Variants in COX16 observed in about 807,000 individuals in gnomAD.
COX16 encodes the protein cytochrome c oxidase assembly factor COX16.
A neutral mutation model predicts 15.4 loss-of-function variants in COX16; 12 were observed. The observed-to-expected ratio is 0.78, with a 90% CI of 0.50 to 1.26. The LOEUF (loss-of-function observed/expected upper bound fraction) is 1.26, where lower values mean the gene tolerates loss of function less well. Ranked by LOEUF, COX16 falls within the 50% of genes most tolerant of loss-of-function variation. COX16 has a pLI of 0.00. For missense variants in COX16, 124 were observed against 127.6 expected (o/e 0.97, Z 0.14); for synonymous variants, 46 against 41.1 (o/e 1.12, Z -0.46).
chr14:70,346,114 C>T (rs771679737), intron 1 of COX16, among the ~76,000 whole-genome samples: 1 of 152,130 alleles, frequency 6.6e-6, no homozygotes, highest in African/African-American at 2.4e-5. Flanking sequence ...AACCCTCCTT[C>T]CCCCTTCAAA....
chr14:70,354,829 A>AGTGTGTGTGCGTGTGT lies in COX16; in HGVS notation c.69+4689_69+4690insACACACGCACACACAC, dbSNP rs1555345883. ...GAGTTTTGTGCAGGACTATGCATAG[A>AGTGTGTGTGCGTGTGT]GTGTGTGTGTGCGTGTGTGTGTGTG... On this transcript the variant is annotated intron_variant, in intron 1 of 3. Coordinates refer to ENST00000389912, the MANE Select transcript of COX16 (RefSeq NM_016468.7). Among the ~76,000 whole-genome samples, 7 of 85,716 alleles carry AGTGTGTGTGCGTGTGT rather than the reference A, an allele frequency of 8.2e-5. 1 individual carries two copies. Among genetic ancestry groups the AGTGTGTGTGCGTGTGT allele is most frequent in the African/African-American group, 3.6e-4 (7 of 19,674 alleles). 56.2% of individuals were successfully genotyped at this position (85,716 alleles called of 152,430 possible). A position where few individuals can be genotyped will look rare whatever the true frequency, so the allele number is the denominator to read the frequency against.
intron 1 of COX16, among the ~76,000 whole-genome samples, chr14:70,355,715 G>C (rs904586265): frequency 2.0e-5 from 3 of 152,182 alleles, no homozygotes; most frequent in Admixed American, 6.5e-5. Context: ...CCATTGTCAT[G>C]ACAAGAACCA....
At chr14:70,334,560 G>A (rs1886389957) in intron 2 of COX16, among the ~76,000 whole-genome samples, 1 of 152,156 alleles carries the variant, frequency 6.6e-6, no homozygotes, top group Non-Finnish European at 1.5e-5. Context: ...CATGTTGGGG[G>A]AAAGAGAGTT....
Position 70,326,281 on chromosome 14 carries a change from T to C in COX16, c.*52A>G. On this transcript the variant is annotated 3_prime_UTR_variant, in exon 4 of 4. Coordinates refer to ENST00000389912, the MANE Select transcript of COX16 (RefSeq NM_016468.7). ...TAGAAGTATATATTAGGAAGTCCAGTTAATAATATTTTTATTTAAAAAAAA... is the reference window on the plus strand; with the variant it reads ...TAGAAGTATATATTAGGAAGTCCAGCTAATAATATTTTTATTTAAAAAAAA... 3.7e-6 allele frequency: 5 copies of C among 1,359,026 alleles called. No individual in the cohort carries two copies. The highest frequency in any genetic ancestry group is 4.8e-6 in the Non-Finnish European group (5 of 1,038,610). The allele number at this position is 1,359,026 out of a possible 1,614,324, so 84.2% of individuals were successfully genotyped here.
At chr14:70,344,646 G>A (rs777932182) in intron 1 of COX16, among the ~76,000 whole-genome samples, 1 of 152,196 alleles carries the variant, frequency 6.6e-6, no homozygotes, top group Non-Finnish European at 1.5e-5. Flanking sequence ...GAGCAGGGAT[G>A]AATAGTGTAA....
chr14:70,335,506 A>G (rs1186460772), intron 2 of COX16, among the ~76,000 whole-genome samples: 1 of 152,194 alleles, frequency 6.6e-6, no homozygotes, highest in African/African-American at 2.4e-5. Context: ...TACTCTGACC[A>G]AAACAGAATA....
chr14:70,326,197 T>C lies in COX16; in HGVS notation c.*136A>G, dbSNP rs1224984491. ...GTACATGACCTTTAGTGAAGATTAT[T>C]TGTCATCAAATTACCCATATCCAAG... On this transcript the variant is annotated 3_prime_UTR_variant, in exon 4 of 4. Transcript: ENST00000389912. 6.9e-6 allele frequency: 4 copies of C among 582,744 alleles called. No individual in the cohort carries two copies. The highest frequency in any genetic ancestry group is 1.0e-5 in the Non-Finnish European group (4 of 388,044). The allele number at this position is 582,744 out of a possible 1,614,324, so 36.1% of individuals were successfully genotyped here.
chr14:70,326,346 G>A lies in COX16; in HGVS notation c.308C>T (p.Thr103Ile), dbSNP rs1319431452. Residue 103 changes from threonine to isoleucine, a missense_variant, in exon 4 of 4, where the codon ACT (threonine) becomes ATT (isoleucine). Physicochemically the swap from Thr to Ile is moderately conservative, Grantham distance 89. Transcript: ENST00000389912. ...LQGRNPESLK[T>I]KTT ...GAATCAGCAGAGTCAAGTTGTCTTA[G>A]TCTTAAGGCTTTCTGGATTTCTTCC... The A allele has an allele frequency of 6.4e-7, 1 of 1,552,254 alleles. No homozygotes were observed. The highest frequency in any genetic ancestry group is 1.9e-5 in the Admixed American group (1 of 51,486).
At chr14:70,328,195 A>G (rs1314817697) in intron 3 of COX16, 1 of 150,528 alleles carries the variant, frequency 6.6e-6, no homozygotes, top group Non-Finnish European at 1.5e-5. Flanking sequence ...AAGCCTTGAC[A>G]AGATTCTCTG....
Position 70,353,556 on chromosome 14 carries a change from C to G in COX16, c.69+5963G>C, listed in dbSNP as rs549341232. ...TGTGGCAGAGTCTTGCATTGTCACC[C>G]AGGCTGGAGTGCAGTGGTGTGACCT... is the stretch of plus-strand genomic sequence containing the variant. On this transcript the variant is annotated intron_variant, in intron 1 of 3. Coordinates refer to ENST00000389912, the MANE Select transcript of COX16 (RefSeq NM_016468.7). 3.3e-5 allele frequency among the ~76,000 whole-genome samples: 5 copies of G among 151,908 alleles called. No individual in the cohort carries two copies. In the South Asian group the frequency reaches 1.0e-3, roughly 32 times the overall value.
chr14:70,350,360 T>A (rs1886914715), intron 1 of COX16, among the ~76,000 whole-genome samples: 1 of 152,210 alleles, frequency 6.6e-6, no homozygotes, highest in African/African-American at 2.4e-5. Context: ...CACTTGGGGT[T>A]GACGCCATTT....
intron 3 of COX16, chr14:70,328,085 T>TTTTTTTTTTTTTG: frequency 1.5e-5 from 2 of 131,820 alleles, no homozygotes; most frequent in Non-Finnish European, 3.2e-5. Context: ...TTTTTTTTTT[T>TTTTTTTTTTTTTG]TTTTTTTTTT....
At chr14:70,328,765 T>C (rs116209973) in intron 3 of COX16, among the ~76,000 whole-genome samples, 4,409 of 152,288 alleles carry the variant, frequency 0.029, 210 homozygotes, top group African/African-American at 0.099. Flanking sequence ...GATTAAACTA[T>C]ATCTGTAGGA....
intron 1 of COX16, among the ~76,000 whole-genome samples, chr14:70,359,059 C>T (rs1472130030): frequency 2.0e-5 from 3 of 152,106 alleles, no homozygotes; most frequent in Non-Finnish European, 4.4e-5. Context: ...CAGAAAGATA[C>T]CAGGAATTCG....
chr14:70,332,783 C>G (rs1886330664), intron 2 of COX16, among the ~76,000 whole-genome samples: 2 of 152,268 alleles, frequency 1.3e-5, no homozygotes, highest in Admixed American at 1.3e-4. Context: ...CCAGTCTCAA[C>G]TCCAGTCCCT....
chr14:70,327,332 T>C (rs1886114804), intron 3 of COX16, among the ~76,000 whole-genome samples: 1 of 151,166 alleles, frequency 6.6e-6, no homozygotes, highest in South Asian at 2.1e-4. Flanking sequence ...AATGAAAAGG[T>C]TGGACCAAAT....
chr14:70,328,900 T>C (rs2140676005), intron 3 of COX16, among the ~76,000 whole-genome samples: 1 of 152,250 alleles, frequency 6.6e-6, no homozygotes, highest in Middle Eastern at 3.4e-3. Context: ...ATAGGCTTTT[T>C]TGACTCAAGA....
chr14:70,336,511 G>C (rs1176564133), intron 2 of COX16, among the ~76,000 whole-genome samples: 1 of 152,002 alleles, frequency 6.6e-6, no homozygotes, highest in African/African-American at 2.4e-5. Flanking sequence ...AAACAACTTA[G>C]ATAAATAAAA....
rs1297825308 is a variant in COX16, at chr14:70,329,313, G to C, written c.142-77C>G. The C allele has an allele frequency of 6.7e-6, 9 of 1,336,724 alleles. No homozygotes were observed. The Admixed American group carries it at 2.0e-4, about 29-fold the overall frequency. 82.8% of individuals were successfully genotyped at this position (1,336,724 alleles called of 1,614,324 possible). A position where few individuals can be genotyped will look rare whatever the true frequency, so the allele number is the denominator to read the frequency against. On this transcript the variant is annotated intron_variant, in intron 2 of 3. Transcript: ENST00000389912. ...CAATTTTCAATTTTAAGTTATAGAAGAGATGGCTGAAATACTATAGCCAAA... is the reference window on the plus strand; with the variant it reads ...CAATTTTCAATTTTAAGTTATAGAACAGATGGCTGAAATACTATAGCCAAA...
Sources: gnomAD v4.1 joint callset for allele counts (sites outside exome capture counted in the v4.1 genomes callset) on GRCh38, gnomAD v4.1.1 for gene constraint, MANE v1.5 for transcripts, NCBI Gene and HGNC (gene_info 2026-07-23, HGNC 2026-07-21) for gene names.